OR9Q1: variants seen among roughly 807,000 people sequenced by gnomAD.
OR9Q1 encodes the protein olfactory receptor family 9 subfamily Q member 1, also known as olfactory receptor 9Q1.
For missense variants in OR9Q1, 374 were observed against 378.8 expected (o/e 0.99, Z 0.11); for synonymous variants, 153 against 148.6 (o/e 1.03, Z -0.22).
chr11:58,132,095 T>C (rs1456881436), intron 2 of OR9Q1, among the ~76,000 whole-genome samples: 1 of 152,200 alleles, frequency 6.6e-6, no homozygotes, highest in African/African-American at 2.4e-5. Context: ...AGAAGTGATA[T>C]AACTCACTTA....
At position 58,154,849 on chromosome 11, in the gene OR9Q1, T is replaced by C. The variant is rs75303470; in HGVS notation, c.-14-24582T>C. Among the ~76,000 whole-genome samples the C allele has an allele frequency of 9.0e-3, 1,370 of 152,316 alleles. 10 individuals carry two copies. The highest frequency in any genetic ancestry group is 0.031 in the Middle Eastern group (9 of 294). ...TGTCTTTAGAGGTGCATTCAGCCAT[T>C]GTGAAGTTCACCTCCCACTACACTG... On this transcript the variant is annotated intron_variant, in intron 2 of 2. Transcript: ENST00000335397.
chr11:58,059,350 T>C (rs999846634), intron 2 of OR9Q1, among the ~76,000 whole-genome samples: 1 of 152,066 alleles, frequency 6.6e-6, no homozygotes, highest in Admixed American at 6.5e-5. Context: ...AAACAAGATA[T>C]ATAAATTCCA....
At chr11:58,141,069 C>G (rs930365103) in intron 2 of OR9Q1, among the ~76,000 whole-genome samples, 3 of 152,158 alleles carry the variant, frequency 2.0e-5, no homozygotes, top group African/African-American at 7.2e-5. Flanking sequence ...GGAGTTCACT[C>G]ATGATTTGGC....
intron 2 of OR9Q1, chr11:58,118,867 G>C: frequency 6.2e-7 from 1 of 1,614,016 alleles, no homozygotes; most frequent in Non-Finnish European, 8.5e-7. Context: ...CTCGATGTTT[G>C]CTGTGTCACT....
At chr11:58,168,538 C>G (rs1169500482) in intron 2 of OR9Q1, among the ~76,000 whole-genome samples, 1 of 152,016 alleles carries the variant, frequency 6.6e-6, no homozygotes, top group Non-Finnish European at 1.5e-5. Context: ...TTTAAAATCA[C>G]CTCTACAAAC....
intron 2 of OR9Q1, chr11:58,078,671 G>T (rs1382824097): frequency 6.6e-6 from 1 of 152,134 alleles, no homozygotes; most frequent in African/African-American, 2.4e-5. Flanking sequence ...TGTGGACAAG[G>T]TATTATTCTT....
At chr11:58,031,603 C>G in intron 1 of OR9Q1, 1 of 1,613,838 alleles carries the variant, frequency 6.2e-7, no homozygotes. Context: ...CCTCTATGGT[C>G]ATTGCTGTGT....
intron 2 of OR9Q1, among the ~76,000 whole-genome samples, chr11:58,076,557 G>A (rs950247735): frequency 6.6e-6 from 1 of 152,098 alleles, no homozygotes; most frequent in Non-Finnish European, 1.5e-5. Flanking sequence ...CTCTTTTATG[G>A]GCTCACTGAC....
At chr11:58,081,611 G>A (rs1483104653) in intron 2 of OR9Q1, among the ~76,000 whole-genome samples, 1 of 152,132 alleles carries the variant, frequency 6.6e-6, no homozygotes, top group African/African-American at 2.4e-5. Context: ...CTGCATAAAT[G>A]TCTTCTTTTG....
intron 2 of OR9Q1, among the ~76,000 whole-genome samples, chr11:58,137,847 C>A (rs1446014315): frequency 1.3e-5 from 2 of 152,164 alleles, no homozygotes; most frequent in Non-Finnish European, 1.5e-5. Context: ...ATACCTAGAA[C>A]AGTATTTATC....
chr11:58,097,994 G>T (rs549749061), intron 2 of OR9Q1, among the ~76,000 whole-genome samples: 1 of 152,282 alleles, frequency 6.6e-6, no homozygotes, highest in East Asian at 1.9e-4. Flanking sequence ...GAAACTTTTT[G>T]GAGTGATGGA....
chr11:58,172,784 C>A (rs1854567327), intron 2 of OR9Q1, among the ~76,000 whole-genome samples: 3 of 152,024 alleles, frequency 2.0e-5, no homozygotes, highest in African/African-American at 7.2e-5. Context: ...AATGGGGTAT[C>A]CATCATCTCA....
rs369149438 is a variant in OR9Q1 at position 58,090,742 on chromosome 11, G to A, written c.-15+34795G>A. Among the ~76,000 whole-genome samples the A allele has an allele frequency of 3.7e-4, 57 of 152,240 alleles. 1 individual carries two copies. In the South Asian group the frequency reaches 0.011, roughly 29 times the overall value. ...GTACCAGCTCCTTTTTGTACCTCTA[G>A]TAGAATTTGGTTGTGAATCCATCTG... On this transcript the variant is annotated intron_variant, in intron 2 of 2. Transcript: ENST00000335397.
intron 2 of OR9Q1, among the ~76,000 whole-genome samples, chr11:58,121,013 C>G (rs1397128933): frequency 6.6e-6 from 1 of 151,864 alleles, no homozygotes; most frequent in Non-Finnish European, 1.5e-5. Context: ...CGGGTTGATT[C>G]TACTATCAGT....
intron 2 of OR9Q1, among the ~76,000 whole-genome samples, chr11:58,068,241 A>G (rs1456216488): frequency 6.6e-6 from 1 of 151,790 alleles, no homozygotes; most frequent in African/African-American, 2.4e-5. Flanking sequence ...CCAGCTACTC[A>G]GGAGACTGAG....
At chr11:58,082,048 A>C (rs1232714740) in intron 2 of OR9Q1, among the ~76,000 whole-genome samples, 1 of 152,178 alleles carries the variant, frequency 6.6e-6, no homozygotes, top group East Asian at 1.9e-4. Context: ...AATGCAAATC[A>C]AAACCACAAT....
At position 58,180,255 on chromosome 11, in the gene OR9Q1, C is replaced by A. The variant is rs147392664; in HGVS notation, c.811C>A (p.Arg271=). The part of the protein sequence containing the change: ...GNSDQSSEKN[R]VVSVLYTEVI... Reference sequence around the variant, plus strand: ...CTCAGATCAGTCTTCGGAGAAGAATCGGGTAGTGTCTGTGCTTTACACAGA... The same window carrying A: ...CTCAGATCAGTCTTCGGAGAAGAATAGGGTAGTGTCTGTGCTTTACACAGA... The change falls in exon 3 of 3, where the codon CGG becomes AGG. Residue 271 remains arginine, a synonymous_variant. Coordinates refer to ENST00000335397, the MANE Select transcript of OR9Q1 (RefSeq NM_001005212.4). 1.2e-6 allele frequency: 2 copies of A among 1,614,058 alleles called. No individual in the cohort carries two copies. The highest frequency in any genetic ancestry group is 2.2e-5 in the South Asian group (2 of 91,058).
chr11:58,165,628 A>C (rs2119935500), intron 2 of OR9Q1, among the ~76,000 whole-genome samples: 1 of 152,320 alleles, frequency 6.6e-6, no homozygotes, highest in Non-Finnish European at 1.5e-5. Context: ...GATCCATGTG[A>C]AACTTGCTCC....
At chr11:58,118,604 C>G in intron 2 of OR9Q1, 1 of 1,613,954 alleles carries the variant, frequency 6.2e-7, no homozygotes, top group South Asian at 1.1e-5. Context: ...ATGGGGATGA[C>G]CACTGTATAG....
Sources: gnomAD v4.1 joint callset for allele counts (sites outside exome capture counted in the v4.1 genomes callset) on GRCh38, gnomAD v4.1.1 for gene constraint, MANE v1.5 for transcripts, NCBI Gene and HGNC (gene_info 2026-07-23, HGNC 2026-07-21) for gene names.